Variants in RUNDC3B observed in about 807,000 individuals in gnomAD.
RUNDC3B encodes RUN domain-containing protein 3B.
RUNDC3B carries 33 observed loss-of-function variants against 58.4 expected under a neutral mutation model. The ratio of observed to expected loss-of-function variants is 0.56; its 90% confidence interval spans 0.43 to 0.75. The LOEUF (loss-of-function observed/expected upper bound fraction) is 0.75, where lower values mean the gene tolerates loss of function less well. Among genes scored for constraint, RUNDC3B ranks in the 30% least tolerant of loss-of-function variants. The probability of loss-of-function intolerance (pLI) is 0.00; values close to 1 mark genes in which losing one functional copy is unlikely to be tolerated. For missense variants in RUNDC3B, 501 were observed against 535.7 expected, an observed-to-expected ratio of 0.94 and a Z score of 0.64; for synonymous variants, 193 against 195.2, an observed-to-expected ratio of 0.99 and a Z score of 0.10.
chr7:87,821,750 A>G (rs1837454075), intron 10 of RUNDC3B, among the ~76,000 whole-genome samples: 7 of 152,212 alleles, frequency 4.6e-5, no homozygotes, highest in Admixed American at 3.9e-4. Context: ...ATCTACAACC[A>G]TCTGATCTTT....
At chr7:87,758,321 C>CA (rs752345215) in intron 6 of RUNDC3B, among the ~76,000 whole-genome samples, 6 of 151,846 alleles carry the variant, frequency 4.0e-5, no homozygotes, top group African/African-American at 9.7e-5. Flanking sequence ...AACCCAGACT[C>CA]AAAAAAACAA....
Position 87,829,904 on chromosome 7 carries a change from ATTAC to A in RUNDC3B, c.1248_1251del (p.Leu417AlafsTer6). The A allele has an allele frequency of 6.2e-7, 1 of 1,604,382 alleles. No homozygotes were observed. The highest frequency in any genetic ancestry group is 1.7e-4 in the Middle Eastern group (1 of 6,016). ...TTTCAGGTAAGGAAGATACTCCCTC[ATTAC>A]TTGGCCTCTGTGGATCTCTAACGTC... On this transcript the variant is annotated frameshift_variant, in exon 11 of 11. Coordinates refer to ENST00000394654, the MANE Select transcript of RUNDC3B (RefSeq NM_001134405.2). LOFTEE classifies it high-confidence loss of function.
intron 10 of RUNDC3B, among the ~76,000 whole-genome samples, chr7:87,820,738 G>T (rs1255752377): frequency 1.3e-5 from 2 of 151,236 alleles, no homozygotes; most frequent in African/African-American, 4.9e-5. Flanking sequence ...TTCAACATAC[G>T]CAAATCAATA....
rs74426407 is a variant in RUNDC3B at position 87,787,066 on chromosome 7, G to C, written c.956+9111G>C. Reference sequence around the variant, plus strand: ...TTAGATAGGCATAAGGCATAAATTGGTGTCTTCTAAGATTCTTTCATACAA... The same window carrying C: ...TTAGATAGGCATAAGGCATAAATTGCTGTCTTCTAAGATTCTTTCATACAA... On this transcript the variant is annotated intron_variant, in intron 8 of 10. Coordinates refer to ENST00000394654, the MANE Select transcript of RUNDC3B (RefSeq NM_001134405.2). Among the ~76,000 whole-genome samples the C allele has an allele frequency of 4.8e-3, 728 of 152,172 alleles. 4 individuals carry two copies. Among genetic ancestry groups the C allele is most frequent in the African/African-American group, 0.017 (689 of 41,516 alleles).
At chr7:87,700,697 C>T (rs1240779825) in intron 3 of RUNDC3B, 143 bp downstream of exon 3, 8 of 715,802 alleles carry the variant, frequency 1.1e-5, no homozygotes, top group African/African-American at 1.8e-5. Context: ...GATGTTTCTA[C>T]ATTTCTTGAA....
At chr7:87,816,870 C>G (rs887302911) in intron 10 of RUNDC3B, among the ~76,000 whole-genome samples, 43 of 152,242 alleles carry the variant, frequency 2.8e-4, no homozygotes, top group African/African-American at 1.0e-3. Context: ...AAGACTCAAC[C>G]TATTGGTTTT....
At chr7:87,745,086 TG>T (rs1276611027) in intron 6 of RUNDC3B, among the ~76,000 whole-genome samples, 3 of 152,200 alleles carry the variant, frequency 2.0e-5, no homozygotes, top group Non-Finnish European at 4.4e-5. Flanking sequence ...ATGTGATTTG[TG>T]TTTTTAGTTC....
At chr7:87,645,418 C>CT (rs1822904612) in intron 1 of RUNDC3B, among the ~76,000 whole-genome samples, 1 of 152,104 alleles carries the variant, frequency 6.6e-6, no homozygotes, top group Non-Finnish European at 1.5e-5. Flanking sequence ...CAAAAATTTC[C>CT]TTGGACTTTG....
chr7:87,701,017 C>G (rs989764340), intron 3 of RUNDC3B, among the ~76,000 whole-genome samples: 2 of 152,158 alleles, frequency 1.3e-5, no homozygotes, highest in Non-Finnish European at 2.9e-5. Context: ...GTGCGGGAAA[C>G]ATTAATTCTT....
intron 2 of RUNDC3B, among the ~76,000 whole-genome samples, chr7:87,672,258 C>G (rs1585058709): frequency 6.6e-6 from 1 of 152,218 alleles, no homozygotes; most frequent in African/African-American, 2.4e-5. Context: ...AAGTAGCAGT[C>G]TAGCCACATT....
At chr7:87,805,793 G>A (rs182353763) in intron 8 of RUNDC3B, among the ~76,000 whole-genome samples, 1 of 152,164 alleles carries the variant, frequency 6.6e-6, no homozygotes, top group East Asian at 1.9e-4. Context: ...CATTGAAATT[G>A]AGTTTTCCAG....
intron 4 of RUNDC3B, among the ~76,000 whole-genome samples, chr7:87,722,809 G>C (rs1385294870): frequency 6.6e-6 from 1 of 152,158 alleles, no homozygotes; most frequent in Non-Finnish European, 1.5e-5. Context: ...TATTGAACTA[G>C]TTGGTATCGT....
chr7:87,740,968 G>A (rs1832286179), intron 5 of RUNDC3B, among the ~76,000 whole-genome samples: 1 of 152,118 alleles, frequency 6.6e-6, no homozygotes, highest in Non-Finnish European at 1.5e-5. Flanking sequence ...ACTTTAGGAG[G>A]CTGAGGCGGG....
intron 2 of RUNDC3B, among the ~76,000 whole-genome samples, chr7:87,652,621 GATATAT>G (rs373344881): frequency 1.4e-4 from 17 of 125,390 alleles, no homozygotes; most frequent in African/African-American, 4.5e-4. Context: ...TGTGGTCACT[GATATAT>G]ATATATATAT....
chr7:87,821,115 T>A (rs567911610), intron 10 of RUNDC3B, among the ~76,000 whole-genome samples: 1,708 of 151,414 alleles, frequency 0.011, 33 homozygotes, highest in African/African-American at 0.039. Context: ...TGTTTGCAGA[T>A]GACATGATTG....
chr7:87,629,143 G>A (rs1820940044), intron 1 of RUNDC3B, 198 bp downstream of exon 1: 2 of 439,006 alleles, frequency 4.6e-6, no homozygotes, highest in Non-Finnish European at 7.7e-6. Context: ...CCTGGACTTT[G>A]TGTCAGTTCC....
chr7:87,738,763 T>C (rs1224543764), intron 4 of RUNDC3B, among the ~76,000 whole-genome samples: 8 of 152,124 alleles, frequency 5.3e-5, no homozygotes, highest in African/African-American at 1.9e-4. Context: ...TTTATGGGTT[T>C]TTTTGCAAGT....
chr7:87,750,519 T>C (rs969861500), intron 6 of RUNDC3B, among the ~76,000 whole-genome samples: 2 of 152,160 alleles, frequency 1.3e-5, no homozygotes, highest in Non-Finnish European at 2.9e-5. Flanking sequence ...TTCCTATTTC[T>C]CCACATCCTC....
At chr7:87,790,558 A>C (rs1835469318) in intron 8 of RUNDC3B, among the ~76,000 whole-genome samples, 1 of 152,174 alleles carries the variant, frequency 6.6e-6, no homozygotes, top group South Asian at 2.1e-4. Context: ...AATTCAAAAT[A>C]GCTGTTTTGA....
Sources: gnomAD v4.1 joint callset for allele counts (sites outside exome capture counted in the v4.1 genomes callset) on GRCh38, gnomAD v4.1.1 for gene constraint, MANE v1.5 for transcripts, NCBI Gene and HGNC (gene_info 2026-07-23, HGNC 2026-07-21) for gene names.